Variants in UNC79 observed in about 807,000 individuals in gnomAD.
UNC79 encodes the protein unc-79 subunit of NALCN channel complex, also known as protein unc-79 homolog.
UNC79 carries 37 observed loss-of-function variants against 283.1 expected under a neutral mutation model. The ratio of observed to expected loss-of-function variants is 0.13; its 90% CI spans 0.10 to 0.17. UNC79 has a LOEUF of 0.17. Ranked by LOEUF, UNC79 falls within the 10% of genes least tolerant of loss-of-function variation. UNC79 has a pLI of 1.00. For synonymous variants in UNC79, 1,107 were observed against 1,200.2 expected, an observed-to-expected ratio of 0.92 and a Z score of 1.61; for missense variants, 2,272 against 3,211.1, an observed-to-expected ratio of 0.71 and a Z score of 7.07.
upstream of UNC79, among the ~76,000 whole-genome samples, chr14:93,425,841 C>T (rs149990737): frequency 6.6e-6 from 1 of 152,260 alleles, no homozygotes; most frequent in East Asian, 1.9e-4. Flanking sequence ...GATTGGTAGG[C>T]TGGTTAAACT....
intron 1 of UNC79, among the ~76,000 whole-genome samples, chr14:93,403,765 A>G (rs777261115): frequency 1.3e-5 from 2 of 152,184 alleles, no homozygotes; most frequent in Non-Finnish European, 2.9e-5. Context: ...AGATTATTTT[A>G]TAAAAAGGCA....
chr14:93,588,740 CAAAA>C (rs397745981), intron 22 of UNC79, among the ~76,000 whole-genome samples: 2 of 17,788 alleles, frequency 1.1e-4, no homozygotes, highest in Non-Finnish European at 1.5e-4. Context: ...GACTCCGTCT[CAAAA>C]AAAAAAAAAA....
chr14:93,529,624 G>T (rs1269775171), intron 10 of UNC79, among the ~76,000 whole-genome samples: 1 of 152,156 alleles, frequency 6.6e-6, no homozygotes, highest in Admixed American at 6.5e-5. Context: ...TCTGTAACAG[G>T]TGTTGTCAGT....
chr14:93,468,352 C>T (rs1278764115), intron 2 of UNC79, among the ~76,000 whole-genome samples: 1 of 152,068 alleles, frequency 6.6e-6, no homozygotes, highest in African/African-American at 2.4e-5. Context: ...GATAGGAGGG[C>T]CCTATTTGCT....
chr14:93,674,847 G>T (rs114056283), intron 41 of UNC79, among the ~76,000 whole-genome samples: 2,548 of 152,304 alleles, frequency 0.017, 63 homozygotes, highest in African/African-American at 0.055. Flanking sequence ...TGGCCTAAGT[G>T]ACAGGTAGTA....
At chr14:93,414,440 T>C (rs1360918388) in intron 1 of UNC79, among the ~76,000 whole-genome samples, 1 of 152,200 alleles carries the variant, frequency 6.6e-6, no homozygotes, top group Admixed American at 6.5e-5. Context: ...CCTTGTAGTA[T>C]AGTTTGAAGT....
intron 7 of UNC79, among the ~76,000 whole-genome samples, chr14:93,513,563 G>A (rs1368444120): frequency 6.6e-6 from 1 of 151,922 alleles, no homozygotes. Context: ...ATACATTTTT[G>A]TTATGGCCTG....
chr14:93,575,074 A>G, exon 17 of UNC79: 1 of 1,612,592 alleles, frequency 6.2e-7, no homozygotes, highest in Non-Finnish European at 8.5e-7. Flanking sequence ...TCGGAGTTAG[A>G]TATCATGGTT....
chr14:93,519,885 C>G (rs562871253), intron 7 of UNC79, among the ~76,000 whole-genome samples: 133 of 151,770 alleles, frequency 8.8e-4, no homozygotes, highest in African/African-American at 3.2e-3. Context: ...TTATTAGCCT[C>G]TATTCATTAT....
intron 23 of UNC79, among the ~76,000 whole-genome samples, chr14:93,595,045 C>T (rs554377623): frequency 2.0e-4 from 30 of 150,942 alleles, no homozygotes; most frequent in Non-Finnish European, 3.7e-4. Context: ...TTCTGAATCT[C>T]GGCTCTGGTT....
At chr14:93,527,629 C>A (rs889456303) in intron 8 of UNC79, among the ~76,000 whole-genome samples, 11 of 152,052 alleles carry the variant, frequency 7.2e-5, no homozygotes, top group African/African-American at 2.7e-4. Flanking sequence ...GTGATTTCCC[C>A]CCTTCAAATT....
chr14:93,463,485 A>C lies in UNC79; in HGVS notation c.23-4186A>C, dbSNP rs116617513. ...TTTTTCTTTCCCTTCGACAAGAGAG[A>C]TTCTACAGTTTGTTTGAATCCTGGT... On this transcript the variant is annotated intron_variant, in intron 1 of 48. Transcript: ENST00000555664. Among the ~76,000 whole-genome samples, 372 of 152,240 alleles carry C rather than the reference A, an allele frequency of 2.4e-3. 2 individuals carry two copies. The highest frequency in any genetic ancestry group is 8.5e-3 in the African/African-American group (354 of 41,540).
chr14:93,406,515 A>G (rs763702283), intron 1 of UNC79, among the ~76,000 whole-genome samples: 4 of 152,136 alleles, frequency 2.6e-5, no homozygotes, highest in Non-Finnish European at 5.9e-5. Context: ...TTGAGCCCAG[A>G]AGCTTGAGGC....
At chr14:93,698,853 A>G (rs935810229) in intron 47 of UNC79, among the ~76,000 whole-genome samples, 1 of 152,184 alleles carries the variant, frequency 6.6e-6, no homozygotes, top group South Asian at 2.1e-4. Context: ...ATGTAAGTCA[A>G]GACTTATCAA....
At chr14:93,540,388 T>C (rs1205993399) in intron 12 of UNC79, among the ~76,000 whole-genome samples, 2 of 152,200 alleles carry the variant, frequency 1.3e-5, no homozygotes, top group African/African-American at 4.8e-5. Context: ...CAGTTCTGCT[T>C]GATGCTAATT....
Position 93,462,335 on chromosome 14 carries a change from C to G in UNC79, c.23-5336C>G, listed in dbSNP as rs181892568. On this transcript the variant is annotated intron_variant, in intron 1 of 48. Transcript: ENST00000555664. The stretch of plus-strand genomic sequence containing the variant: ...AACAAAACAAAACAAAACACACACA[C>G]AACAGTGTCTGGCTTTTGTGTCACG... 1.7e-3 allele frequency among the ~76,000 whole-genome samples: 264 copies of G among 152,254 alleles called. No homozygotes were observed. The Middle Eastern group carries it at 0.02, about 12-fold the overall frequency.
chr14:93,396,127 A>G (rs2054991574), intron 1 of UNC79, among the ~76,000 whole-genome samples: 1 of 151,338 alleles, frequency 6.6e-6, no homozygotes, highest in East Asian at 1.9e-4. Context: ...ACCTGTTTTC[A>G]AGTTCATTCA....
intron 14 of UNC79, among the ~76,000 whole-genome samples, chr14:93,567,700 A>T (rs2062974941): frequency 6.6e-6 from 1 of 152,148 alleles, no homozygotes; most frequent in Non-Finnish European, 1.5e-5. Context: ...TTTTTCTTTT[A>T]TCAGTAGAAT....
chr14:93,393,102 A>G (rs2054916791), intron 1 of UNC79, among the ~76,000 whole-genome samples: 1 of 152,224 alleles, frequency 6.6e-6, no homozygotes, highest in Non-Finnish European at 1.5e-5. Context: ...GGCAAGAGCC[A>G]GTGAGACAGA....
Sources: allele counts gnomAD v4.1 joint callset (sites outside exome capture counted in the v4.1 genomes callset), GRCh38; gene constraint gnomAD v4.1.1; transcripts MANE v1.5; gene names NCBI Gene and HGNC (gene_info 2026-07-23, HGNC 2026-07-21).